The following CTSS variants were observed in gnomAD, a reference collection of about 807,000 sequenced individuals.
The protein encoded by CTSS is cathepsin S.
In CTSS, 15 loss-of-function variants were observed where a neutral mutation model predicts 39.9. That is an observed-to-expected ratio of 0.38 (90% CI 0.25 to 0.58). CTSS has a LOEUF of 0.58. CTSS is among the 20% of genes least tolerant of loss of function. CTSS has a pLI of 0.70. For synonymous variants in CTSS, 126 were observed against 138.2 expected (o/e 0.91, Z 0.62); for missense variants, 250 against 398.2 (o/e 0.63, Z 3.17).
intron 7 of CTSS, among the ~76,000 whole-genome samples, chr1:150,746,054 C>A (rs1256948181): frequency 6.6e-6 from 1 of 152,172 alleles, no homozygotes; most frequent in Non-Finnish European, 1.5e-5. Flanking sequence ...CAGTCCCTGG[C>A]AGCTATCATT....
At chr1:150,761,746 A>G (rs28872202) in intron 2 of CTSS, among the ~76,000 whole-genome samples, 2 of 56,552 alleles carry the variant, frequency 3.5e-5, no homozygotes. Context: ...AAACAAGAAA[A>G]AAAGAAAAAA....
intron 7 of CTSS, among the ~76,000 whole-genome samples, chr1:150,737,853 C>T (rs187979675): frequency 6.6e-5 from 10 of 152,264 alleles, no homozygotes; most frequent in African/African-American, 9.6e-5. Flanking sequence ...GGAAAAGCTT[C>T]GCTGAGTGGA....
intron 2 of CTSS, 131 bp from the exon 3 acceptor site, chr1:150,758,111 A>G: frequency 1.3e-6 from 1 of 750,020 alleles, no homozygotes; most frequent in Non-Finnish European, 2.1e-6. Flanking sequence ...GTCCAATGGC[A>G]CGATCTCAGC....
Position 150,757,912 on chromosome 1 carries a change from C to T in CTSS, c.195G>A (p.Glu65=). The change falls in exon 3 of 8, where the codon GAG becomes GAA. Residue 65 remains glutamate (E), a synonymous_variant. Transcript: ENST00000368985. ...NLKFVMLHNL[E]HSMGMHSYDL... ...CGTATGAGTGCATTCCCATTGAATG[C>T]TCCAGGTTGTGAAGCATCACAAACT... 1 of 1,613,998 alleles carries T rather than the reference C, an allele frequency of 6.2e-7. No homozygotes were observed.
chr1:150,747,155 T>C (rs1026966764), intron 7 of CTSS, among the ~76,000 whole-genome samples: 1 of 152,184 alleles, frequency 6.6e-6, no homozygotes, highest in Non-Finnish European at 1.5e-5. Context: ...TTGGTTGGAC[T>C]TGGGGAGGTC....
chr1:150,761,600 A>T (rs1211300052), intron 2 of CTSS, among the ~76,000 whole-genome samples: 1 of 151,602 alleles, frequency 6.6e-6, no homozygotes, highest in Non-Finnish European at 1.5e-5. Flanking sequence ...GCGTGGTGGC[A>T]CATGCCTGTA....
At chr1:150,743,409 T>C (rs907822501) in intron 7 of CTSS, among the ~76,000 whole-genome samples, 2 of 150,246 alleles carry the variant, frequency 1.3e-5, no homozygotes, top group African/African-American at 4.9e-5. Flanking sequence ...TATACCACGA[T>C]GTGTTTGTTG....
chr1:150,742,708 A>G (rs1341490535), intron 7 of CTSS, among the ~76,000 whole-genome samples: 3 of 152,130 alleles, frequency 2.0e-5, no homozygotes, highest in East Asian at 3.8e-4. Flanking sequence ...CATATAAAAT[A>G]TGATTCACAG....
intron 2 of CTSS, among the ~76,000 whole-genome samples, chr1:150,758,614 C>T (rs1472734387): frequency 1.3e-5 from 2 of 152,012 alleles, no homozygotes; most frequent in African/African-American, 2.4e-5. Context: ...GATTACTGCT[C>T]ACCATAGCCT....
At chr1:150,753,168 T>TAATA (rs890733212) in intron 4 of CTSS, among the ~76,000 whole-genome samples, 3 of 152,178 alleles carry the variant, frequency 2.0e-5, no homozygotes, top group African/African-American at 4.8e-5. Flanking sequence ...ATTTACTTCC[T>TAATA]AATAAATTTT....
intron 3 of CTSS, among the ~76,000 whole-genome samples, chr1:150,757,191 C>G (rs1653151053): frequency 6.6e-6 from 1 of 152,156 alleles, no homozygotes; most frequent in Non-Finnish European, 1.5e-5. Context: ...AGCATCCCAG[C>G]TAGGCACCCT....
rs1046707501 is a variant in CTSS at position 150,755,111 on chromosome 1, C to T, written c.289G>A (p.Val97Ile). ...ATATTTCTCTGCCACTGGCTGGGAA[C>T]TCTCAGGGAACTCATCAAAGACATC... Reference protein sequence around the residue: ...EVMSLMSSLRVPSQWQRNITY... With the variant: ...EVMSLMSSLRIPSQWQRNITY... The change falls in exon 4 of 8, where the codon GTT (valine) becomes ATT (isoleucine). Residue 97 changes from valine (V) to isoleucine (I), a missense_variant. By Grantham distance (29) the Val-to-Ile change is conservative. Coordinates refer to ENST00000368985, the MANE Select transcript of CTSS (RefSeq NM_004079.5). The T allele has an allele frequency of 6.2e-7, 1 of 1,614,200 alleles. No individual in the cohort carries two copies. The highest frequency in any genetic ancestry group is 8.5e-7 in the Non-Finnish European group (1 of 1,180,030).
At chr1:150,762,847 G>A (rs1196509452) in intron 2 of CTSS, among the ~76,000 whole-genome samples, 1 of 152,108 alleles carries the variant, frequency 6.6e-6, no homozygotes, top group Non-Finnish European at 1.5e-5. Flanking sequence ...ACAGCCATTT[G>A]GGAAAACAGT....
chr1:150,763,819 C>T (rs1211904420), intron 2 of CTSS, among the ~76,000 whole-genome samples: 3 of 152,168 alleles, frequency 2.0e-5, no homozygotes, highest in African/African-American at 7.2e-5. Context: ...TCTGGCCACA[C>T]TATGTGGGTA....
At position 150,735,209 on chromosome 1, in the gene CTSS, G is replaced by A. The variant is rs587684324; in HGVS notation, c.897-2064C>T. 4.6e-5 allele frequency among the ~76,000 whole-genome samples: 7 copies of A among 152,304 alleles called. No individual in the cohort carries two copies. The East Asian group carries it at 1.3e-3, about 29-fold the overall frequency. On this transcript the variant is annotated intron_variant, in intron 7 of 7. Transcript: ENST00000368985. ...AGTTTGTGTTTTTGCATGCAGTGGAGAACCTAAGAAATGCTGGTTTATTGT... is the reference window on the plus strand; with the variant it reads ...AGTTTGTGTTTTTGCATGCAGTGGAAAACCTAAGAAATGCTGGTTTATTGT...
At chr1:150,749,615 C>T (rs1652966990) in intron 6 of CTSS, among the ~76,000 whole-genome samples, 1 of 147,444 alleles carries the variant, frequency 6.8e-6, no homozygotes, top group South Asian at 2.2e-4. Flanking sequence ...CTGCCCTGCC[C>T]TGCCCTGCCC....
At chr1:150,765,179 G>A (rs1179009252) in intron 1 of CTSS, among the ~76,000 whole-genome samples, 3 of 151,130 alleles carry the variant, frequency 2.0e-5, no homozygotes, top group Non-Finnish European at 4.4e-5. Flanking sequence ...TGAATACATG[G>A]GCTCTTCTTA....
At chr1:150,740,005 T>TTGAGGAAACGGC (rs1346738270) in intron 7 of CTSS, among the ~76,000 whole-genome samples, 1 of 152,234 alleles carries the variant, frequency 6.6e-6, no homozygotes, top group African/African-American at 2.4e-5. Context: ...TCCATTAGAC[T>TTGAGGAAACGGC]ATGAGTACCT....
chr1:150,755,078 T>TA lies in CTSS; in HGVS notation c.321dup (p.Lys108Ter). 6.2e-7 allele frequency: 1 copy of TA among 1,614,136 alleles called. No individual in the cohort carries two copies. On this transcript the variant is annotated frameshift_variant, in exon 4 of 8. Coordinates refer to ENST00000368985, the MANE Select transcript of CTSS (RefSeq NM_004079.5). LOFTEE classifies it high-confidence loss of function. Reference sequence around the variant, plus strand: ...GGCAATATCCGATTAGGGTTTGACTTATATGTGATATTTCTCTGCCACTGG... The same window carrying TA: ...GGCAATATCCGATTAGGGTTTGACTTAATATGTGATATTTCTCTGCCACTGG...
Sources: gnomAD v4.1 joint callset for allele counts (sites outside exome capture counted in the v4.1 genomes callset) on GRCh38, gnomAD v4.1.1 for gene constraint, MANE v1.5 for transcripts, NCBI Gene and HGNC (gene_info 2026-07-23, HGNC 2026-07-21) for gene names.